PTPRS: variants seen among roughly 807,000 people sequenced by gnomAD.
PTPRS encodes protein tyrosine phosphatase receptor type S.
A neutral mutation model predicts 215.3 loss-of-function variants in PTPRS; 63 were observed. That is an observed-to-expected ratio of 0.29 (90% CI 0.24 to 0.36). The LOEUF is 0.36. PTPRS is among the 10% of genes least tolerant of loss of function. PTPRS has a pLI of 1.00. For synonymous variants in PTPRS, 1,404 were observed against 1,191.4 expected, an observed-to-expected ratio of 1.18 and a Z score of -3.68; for missense variants, 2,258 against 2,825.8, an observed-to-expected ratio of 0.80 and a Z score of 4.56.
At chr19:5,336,903 G>A (rs1262179746) in intron 1 of PTPRS, among the ~76,000 whole-genome samples, 1 of 152,178 alleles carries the variant, frequency 6.6e-6, no homozygotes, top group Non-Finnish European at 1.5e-5. Flanking sequence ...CTTTGCCCGA[G>A]AAGGGTTCTC....
At chr19:5,267,303 G>A (rs1202715938) in intron 4 of PTPRS, among the ~76,000 whole-genome samples, 1 of 152,076 alleles carries the variant, frequency 6.6e-6, no homozygotes, top group Non-Finnish European at 1.5e-5. Flanking sequence ...CATGCTTCTG[G>A]GCTGAGGTGA....
chr19:5,258,686 T>C (rs1449967314), intron 7 of PTPRS, among the ~76,000 whole-genome samples: 2 of 152,150 alleles, frequency 1.3e-5, no homozygotes, highest in Non-Finnish European at 2.9e-5. Flanking sequence ...CCTAAGTAAA[T>C]GGAGACGGGG....
At chr19:5,221,473 C>CCAG (rs2041972392) in intron 19 of PTPRS, among the ~76,000 whole-genome samples, 1 of 151,822 alleles carries the variant, frequency 6.6e-6, no homozygotes, top group Non-Finnish European at 1.5e-5. Context: ...TGCCTAAATT[C>CCAG]CAGCTGAGTC....
chr19:5,221,119 C>G lies in PTPRS; in HGVS notation c.3336G>C (p.Thr1112=). Residue 1112 remains threonine, a synonymous_variant, in exon 20 of 38, where the codon ACG becomes ACC. Coordinates refer to ENST00000262963, the MANE Select transcript of PTPRS (RefSeq NM_002850.4). The part of the protein sequence containing the change: ...RGSSLGGLQQ[T]VTAWTAFNLL... ...GGTTGAAGGCAGTCCAGGCGGTGACCGTCTGCTGGAGGCCGCCCAGGCTGC... is the reference window on the plus strand; with the variant it reads ...GGTTGAAGGCAGTCCAGGCGGTGACGGTCTGCTGGAGGCCGCCCAGGCTGC... The G allele has an allele frequency of 6.2e-7, 1 of 1,613,944 alleles. No individual in the cohort carries two copies. The highest frequency in any genetic ancestry group is 8.5e-7 in the Non-Finnish European group (1 of 1,179,978).
At chr19:5,292,498 G>A (rs1008450222) in intron 1 of PTPRS, among the ~76,000 whole-genome samples, 1 of 152,146 alleles carries the variant, frequency 6.6e-6, no homozygotes, top group Non-Finnish European at 1.5e-5. Flanking sequence ...GCCCAGGGAC[G>A]GGAATGGGTA....
At position 5,295,166 on chromosome 19, in the gene PTPRS, C is replaced by A. The variant is rs562821954; in HGVS notation, c.-94-8932G>T. 6.6e-5 allele frequency among the ~76,000 whole-genome samples: 10 copies of A among 152,336 alleles called. No homozygotes were observed. The South Asian group carries it at 2.1e-3, about 32-fold the overall frequency. On this transcript the variant is annotated intron_variant, in intron 1 of 37. Transcript: ENST00000262963. The surrounding 1 kb of genome is among the most constrained non-coding windows in gnomAD (Gnocchi z 4.6). ...GTGTGTCAAGAAAGCACCCGTACCT[C>A]TCGGGCCGACAGTTTCCCCATCTGC...
rs748156971 is a variant in PTPRS, at chr19:5,208,022, A to T, written c.5678T>A (p.Leu1893His). Residue 1893 changes from leucine to histidine, a missense_variant, in exon 37 of 38, where the codon CTT (leucine) becomes CAT (histidine). By Grantham distance (99) the Leu-to-His change is moderately conservative. Around this residue, in one of 6 missense-constraint regions of PTPRS, gnomAD observed 89 missense variants for 104.0 expected, o/e 0.86. Coordinates refer to ENST00000262963, the MANE Select transcript of PTPRS (RefSeq NM_002850.4). ...CCGCATCCGCTCCAGCACGATGCTA[A>T]GCGTGATGAAGACGCCCGTCCTGCC... is the stretch of plus-strand genomic sequence containing the variant. ...GVGRTGVFIT[L>H]SIVLERMRYE... 1 of 1,613,896 alleles carries T rather than the reference A, an allele frequency of 6.2e-7. No individual in the cohort carries two copies. The highest frequency in any genetic ancestry group is 8.5e-7 in the Non-Finnish European group (1 of 1,179,952).
intron 2 of PTPRS, among the ~76,000 whole-genome samples, chr19:5,274,715 G>A (rs1286505330): frequency 1.3e-5 from 2 of 152,148 alleles, no homozygotes; most frequent in South Asian, 2.1e-4. Context: ...GTGAGATGCT[G>A]GGGTCCCTAA....
intron 1 of PTPRS, among the ~76,000 whole-genome samples, chr19:5,288,117 G>C (rs1447513954): frequency 6.6e-6 from 1 of 152,092 alleles, no homozygotes; most frequent in African/African-American, 2.4e-5. Flanking sequence ...AGGGGTCATG[G>C]TGGGGCAGGC....
At chr19:5,235,718 C>CATA in intron 13 of PTPRS, among the ~76,000 whole-genome samples, 1 of 152,168 alleles carries the variant, frequency 6.6e-6, no homozygotes, top group South Asian at 2.1e-4. Context: ...GTGCCCAGCA[C>CATA]TGTGCCAATC....
At chr19:5,267,696 C>T (rs1394142998) in intron 4 of PTPRS, among the ~76,000 whole-genome samples, 4 of 150,230 alleles carry the variant, frequency 2.7e-5, no homozygotes, top group Admixed American at 2.0e-4. Flanking sequence ...CCACGTAGGG[C>T]AGACTAATAA....
At chr19:5,267,525 C>T (rs558726673) in intron 4 of PTPRS, among the ~76,000 whole-genome samples, 5 of 151,940 alleles carry the variant, frequency 3.3e-5, no homozygotes, top group East Asian at 3.9e-4. Context: ...GGCATGGTGG[C>T]GGACGCCTGT....
chr19:5,220,371 A>G lies in PTPRS; in HGVS notation c.3456-18T>C, dbSNP rs770535996. Reference sequence around the variant, plus strand: ...AATAGCTCCTGTAGGGAGATGGGAAAGAGTCAGAGGGGCTGTCGATAGGGA... The same window carrying G: ...AATAGCTCCTGTAGGGAGATGGGAAGGAGTCAGAGGGGCTGTCGATAGGGA... On this transcript the variant is annotated intron_variant, in intron 20 of 37. Transcript: ENST00000262963. 3 of 1,603,804 alleles carry G rather than the reference A, an allele frequency of 1.9e-6. No homozygotes were observed. The highest frequency in any genetic ancestry group is 2.6e-6 in the Non-Finnish European group (3 of 1,171,918).
rs141578569 is a variant in PTPRS, at chr19:5,325,940, A to G, written c.-95+14724T>C. On this transcript the variant is annotated intron_variant, in intron 1 of 37. Coordinates refer to ENST00000262963, the MANE Select transcript of PTPRS (RefSeq NM_002850.4). The stretch of plus-strand genomic sequence containing the variant: ...CCCCAAACAGTTGTAGTCACATTCA[A>G]TAACACTGGGACAGGCATGGTGGCT... 1.6e-4 allele frequency among the ~76,000 whole-genome samples: 24 copies of G among 152,342 alleles called. No homozygotes were observed. The East Asian group carries it at 4.1e-3, about 26-fold the overall frequency.
intron 2 of PTPRS, among the ~76,000 whole-genome samples, chr19:5,274,766 C>T (rs1198370021): frequency 6.6e-6 from 1 of 152,230 alleles, no homozygotes; most frequent in Admixed American, 6.5e-5. Context: ...ACCAGCCAAA[C>T]CCTGGAGGGC....
At chr19:5,236,955 C>T (rs1447268135) in intron 13 of PTPRS, among the ~76,000 whole-genome samples, 1 of 151,352 alleles carries the variant, frequency 6.6e-6, no homozygotes, top group Non-Finnish European at 1.5e-5. Context: ...TAAGAAACAA[C>T]AGTGATGGTG....
chr19:5,218,614 T>G, intron 24 of PTPRS, 82 bp from the exon 25 acceptor site: 1 of 1,537,880 alleles, frequency 6.5e-7, no homozygotes, highest in East Asian at 2.2e-5. Context: ...CAGGAATGCA[T>G]GGTAAGAAAA....
chr19:5,248,044 C>T (rs1361932799), intron 9 of PTPRS, among the ~76,000 whole-genome samples: 18 of 26,820 alleles, frequency 6.7e-4, no homozygotes, highest in Admixed American at 3.4e-3. Flanking sequence ...ATGGGGGGGG[C>T]GGGTGGCTTT....
chr19:5,286,316 T>C (rs1338598539), intron 1 of PTPRS, 82 bp from the exon 2 acceptor site: 1 of 676,016 alleles, frequency 1.5e-6, no homozygotes, highest in South Asian at 1.7e-5. Flanking sequence ...GAGGGTCACA[T>C]GGAGCAGGGG....
Sources: gnomAD v4.1 joint callset for allele counts (sites outside exome capture counted in the v4.1 genomes callset) on GRCh38, gnomAD v4.1.1 for gene constraint, gnomAD v4.1.1 regional missense constraint, Gnocchi (gnomAD v3.1) non-coding constraint, MANE v1.5 for transcripts, NCBI Gene and HGNC (gene_info 2026-07-23, HGNC 2026-07-21) for gene names.